The following VPS13A variants were observed in gnomAD, a reference collection of about 807,000 sequenced individuals.
The protein encoded by VPS13A is vacuolar protein sorting 13 homolog A.
A neutral mutation model predicts 390.9 loss-of-function variants in VPS13A; 264 were observed. That is an observed-to-expected ratio of 0.68 (90% CI 0.61 to 0.75). The LOEUF is 0.75. Ranked by LOEUF, VPS13A falls within the 30% of genes least tolerant of loss-of-function variation. The pLI is 0.00. For synonymous variants in VPS13A, 1,231 were observed against 1,227.1 expected, an observed-to-expected ratio of 1.00 and a Z score of -0.07; for missense variants, 3,409 against 3,733.9, an observed-to-expected ratio of 0.91 and a Z score of 2.27.
chr9:77,214,287 T>C, intron 9 of VPS13A, 42 bp from the exon 10 acceptor site: 3 of 1,562,544 alleles, frequency 1.9e-6, no homozygotes, highest in Non-Finnish European at 2.6e-6. Flanking sequence ...AAAAAAGACA[T>C]ATTGGCATGA....
intron 26 of VPS13A, among the ~76,000 whole-genome samples, chr9:77,277,208 A>G (rs1826735621): frequency 6.6e-6 from 1 of 152,188 alleles, no homozygotes. Flanking sequence ...CATTTTATTA[A>G]ACTCCTTTGT....
At chr9:77,408,381 T>G (rs1023762194) in intron 71 of VPS13A, among the ~76,000 whole-genome samples, 6 of 152,108 alleles carry the variant, frequency 3.9e-5, no homozygotes, top group Non-Finnish European at 8.8e-5. Context: ...AGAAGATGGG[T>G]CATTTCTGCA....
chr9:77,360,742 A>G (rs1832098012), intron 59 of VPS13A, 101 bp downstream of exon 59: 1 of 880,092 alleles, frequency 1.1e-6, no homozygotes, highest in African/African-American at 1.7e-5. Context: ...TTTTAAAAAT[A>G]CAATTAAATA....
intron 29 of VPS13A, among the ~76,000 whole-genome samples, chr9:77,282,659 C>T (rs999021312): frequency 9.9e-5 from 15 of 151,960 alleles, no homozygotes; most frequent in Admixed American, 7.9e-4. Context: ...CAGCTGGGTG[C>T]GGTGGCTTAT....
intron 39 of VPS13A, 78 bp downstream of exon 39, chr9:77,316,484 A>G: frequency 2.5e-6 from 3 of 1,210,906 alleles, no homozygotes; most frequent in Non-Finnish European, 3.6e-6. Context: ...AACAAAAACT[A>G]CCTACATGCT....
intron 35 of VPS13A, among the ~76,000 whole-genome samples, chr9:77,310,627 A>G (rs1244965149): frequency 6.6e-6 from 1 of 152,206 alleles, no homozygotes; most frequent in South Asian, 2.1e-4. Context: ...GAAAAATACT[A>G]CATGGTCATA....
At chr9:77,367,555 C>G (rs768507140) in intron 61 of VPS13A, among the ~76,000 whole-genome samples, 4 of 152,164 alleles carry the variant, frequency 2.6e-5, no homozygotes, top group Non-Finnish European at 5.9e-5. Context: ...AAGCATAGAG[C>G]TTTTCAGTTA....
chr9:77,315,946 A>T (rs972276572), intron 38 of VPS13A, among the ~76,000 whole-genome samples: 1 of 151,942 alleles, frequency 6.6e-6, no homozygotes, highest in Non-Finnish European at 1.5e-5. Context: ...TAGAAACTAG[A>T]TTAGTTTCTA....
chr9:77,413,289 C>T (rs1835022756), intron 71 of VPS13A, among the ~76,000 whole-genome samples: 1 of 152,188 alleles, frequency 6.6e-6, no homozygotes, highest in Non-Finnish European at 1.5e-5. Context: ...CCAAGTCAAT[C>T]CTAAGCCAAA....
chr9:77,309,897 T>C (rs1192689795), intron 35 of VPS13A, among the ~76,000 whole-genome samples: 1 of 151,892 alleles, frequency 6.6e-6, no homozygotes, highest in Admixed American at 6.6e-5. Context: ...AGGCTGCCTG[T>C]CAGGGACTTA....
chr9:77,207,021 C>G (rs1359406682), intron 5 of VPS13A, among the ~76,000 whole-genome samples: 1 of 150,328 alleles, frequency 6.7e-6, no homozygotes, highest in African/African-American at 2.4e-5. Context: ...GTCCTCTTTC[C>G]TAAGTCTCTT....
chr9:77,320,407 A>G (rs190111979), intron 42 of VPS13A, among the ~76,000 whole-genome samples: 183 of 152,154 alleles, frequency 1.2e-3, no homozygotes, highest in Non-Finnish European at 2.2e-3. Flanking sequence ...TATATTGTGG[A>G]TTTATATAAT....
In VPS13A at chr9:77,370,397, A is replaced by G. The variant is rs760205608; in HGVS notation, c.8744-18A>G. ...AAGTAATGGCATCATTACTTTTACT[A>G]AAGATAATTTCTGTCAGGTGGATTG... On this transcript the variant is annotated intron_variant, in intron 64 of 71. Transcript: ENST00000360280. 15 of 1,614,134 alleles carry G rather than the reference A, an allele frequency of 9.3e-6. No homozygotes were observed. Among genetic ancestry groups the G allele is most frequent in the Non-Finnish European group, 1.3e-5 (15 of 1,180,014 alleles).
Position 77,353,380 on chromosome 9 carries a change from T to C in VPS13A, c.7420-29T>C, listed in dbSNP as rs770150870. ...GGGACCAAATTCTAATTTTTTGGTT[T>C]TTTTTTTTTTTTGGTGGTTTTATTC... On this transcript the variant is annotated intron_variant, in intron 53 of 71. Transcript: ENST00000360280. 4.0e-6 allele frequency: 6 copies of C among 1,515,934 alleles called. No individual in the cohort carries two copies. In the African/African-American group the frequency reaches 7.0e-5, roughly 18 times the overall value. The allele number at this position is 1,515,934 out of a possible 1,614,324, so 93.9% of individuals were successfully genotyped here.
chr9:77,411,193 G>C (rs1018351926), intron 71 of VPS13A, among the ~76,000 whole-genome samples: 8 of 152,022 alleles, frequency 5.3e-5, no homozygotes, highest in African/African-American at 1.9e-4. Flanking sequence ...TGACTACTGG[G>C]TACATAACGA....
chr9:77,247,578 TAC>T (rs1204855328), intron 20 of VPS13A, among the ~76,000 whole-genome samples, 183 bp downstream of exon 20: 7 of 152,238 alleles, frequency 4.6e-5, no homozygotes, highest in Non-Finnish European at 8.8e-5. Context: ...GTAGTTTTCC[TAC>T]ACTTATGAAA....
At chr9:77,188,088 G>A (rs943117252) in intron 1 of VPS13A, among the ~76,000 whole-genome samples, 12 of 152,054 alleles carry the variant, frequency 7.9e-5, no homozygotes. Flanking sequence ...TAAGTGTGTG[G>A]CACCTCCCTA....
intron 23 of VPS13A, among the ~76,000 whole-genome samples, chr9:77,267,354 G>T (rs532965398): frequency 6.6e-6 from 1 of 152,274 alleles, no homozygotes; most frequent in African/African-American, 2.4e-5. Context: ...TTTCTGTGTG[G>T]ACGTCCTTTT....
chr9:77,209,429 A>C lies in VPS13A; in HGVS notation c.392A>C (p.His131Pro), dbSNP rs1330451427. 1 of 1,609,922 alleles carries C rather than the reference A, an allele frequency of 6.2e-7. No individual in the cohort carries two copies. Among genetic ancestry groups the C allele is most frequent in the East Asian group, 2.2e-5 (1 of 44,690 alleles). Residue 131 changes from histidine (H) to proline (P), a missense_variant, in exon 6 of 72, where the codon CAT (histidine) becomes CCT (proline). By Grantham distance (77) the His-to-Pro change is moderately conservative. This residue lies in a region of VPS13A where 2,717 missense variants were observed against 2,917.4 expected (regional missense o/e 0.93). Transcript: ENST00000360280. ...GGAATATTTGCAATTGTAGAACAAC[A>C]TCTGCCGGAAAAACAGGACACTTTT... is the stretch of plus-strand genomic sequence containing the variant. ...AKQKVVDQEQ[H>P]LPEKQDTFAE... is the part of the protein sequence containing the mutation.
Sources: allele counts gnomAD v4.1 joint callset (sites outside exome capture counted in the v4.1 genomes callset), GRCh38; gene constraint gnomAD v4.1.1; regional missense constraint gnomAD v4.1.1; transcripts MANE v1.5; gene names NCBI Gene and HGNC (gene_info 2026-07-23, HGNC 2026-07-21).